Variants in SELP observed in about 807,000 individuals in gnomAD.
SELP encodes selectin P.
A neutral mutation model predicts 104.1 loss-of-function variants in SELP; 92 were observed. That is an observed-to-expected ratio of 0.88 (90% CI 0.75 to 1.05). The LOEUF is 1.05. Among genes scored for constraint, SELP ranks in the 50% least tolerant of loss-of-function variants. The probability of loss-of-function intolerance (pLI) is 0.00; values close to 1 mark genes in which losing one functional copy is unlikely to be tolerated. For missense variants in SELP, 1,022 were observed against 1,017.3 expected (o/e 1.00, Z -0.06); for synonymous variants, 397 against 364.5 (o/e 1.09, Z -1.01).
At chr1:169,590,257 A>T in intron 15 of SELP, 55 bp from the exon 16 acceptor site, 1 of 1,223,690 alleles carries the variant, frequency 8.2e-7, no homozygotes, top group South Asian at 1.2e-5. Context: ...TCTCGACAAC[A>T]CAGTCCAACA....
At chr1:169,621,550 G>A (rs1008351772) in intron 1 of SELP, among the ~76,000 whole-genome samples, 3 of 151,884 alleles carry the variant, frequency 2.0e-5, no homozygotes, top group Non-Finnish European at 4.4e-5. Context: ...GGGACAGTGT[G>A]GGGTCATGTG....
intron 3 of SELP, among the ~76,000 whole-genome samples, chr1:169,615,841 C>G (rs1164460196): frequency 6.6e-6 from 1 of 152,118 alleles, no homozygotes; most frequent in Non-Finnish European, 1.5e-5. Flanking sequence ...GTATTCTGTT[C>G]CATACCTGTA....
chr1:169,595,785 G>C, intron 12 of SELP, 140 bp downstream of exon 12: 1 of 725,246 alleles, frequency 1.4e-6, no homozygotes, highest in Non-Finnish European at 2.4e-6. Flanking sequence ...CTTCTAATGG[G>C]ATTGGTGTGG....
Position 169,593,532 on chromosome 1 carries a change from C to T in SELP, c.2407+73G>A, listed in dbSNP as rs564883993. ...TGAAGTTGTGGTTTTTGCCTCCCCACCCTAAATTACATAAATCAATTTCTT... is the reference window on the plus strand; with the variant it reads ...TGAAGTTGTGGTTTTTGCCTCCCCATCCTAAATTACATAAATCAATTTCTT... On this transcript the variant is annotated intron_variant, in intron 14 of 16. Transcript: ENST00000263686. The T allele has an allele frequency of 1.5e-4, 208 of 1,423,184 alleles. 2 individuals are homozygous for T. The African/African-American group carries it at 2.7e-3, about 19-fold the overall frequency. 88.2% of individuals were successfully genotyped at this position (1,423,184 alleles called of 1,614,324 possible).
At position 169,603,169 on chromosome 1, in the gene SELP, A is replaced by G. The variant is rs763735930; in HGVS notation, c.1562T>C (p.Met521Thr). 2 of 1,614,054 alleles carry G rather than the reference A, an allele frequency of 1.2e-6. No individual in the cohort carries two copies. Among genetic ancestry groups the G allele is most frequent in the South Asian group, 1.1e-5 (1 of 91,066 alleles). The part of the protein sequence containing the change: ...TPLLSPQNGT[M>T]TCVQPLGSSS... ...ACTTCCAAGAGGTTGAACACAGGTC[A>G]TTGTTCCATTCTGAGGGCTTAGCAA... The change falls in exon 10 of 17, where the codon ATG (methionine) becomes ACG (threonine). Residue 521 changes from methionine (M) to threonine (T), a missense_variant. Met to Thr is a moderately conservative substitution (Grantham distance 81). Transcript: ENST00000263686.
chr1:169,605,994 A>G (rs930051675), intron 9 of SELP, among the ~76,000 whole-genome samples: 1 of 152,182 alleles, frequency 6.6e-6, no homozygotes, highest in Non-Finnish European at 1.5e-5. Context: ...AGATGTTGCA[A>G]TACTGACAGA....
Position 169,603,198 on chromosome 1 carries a change from T to C in SELP, c.1533A>G (p.Thr511=), listed in dbSNP as rs1206450067. 6.2e-7 allele frequency: 1 copy of C among 1,612,144 alleles called. No homozygotes were observed. The highest frequency in any genetic ancestry group is 8.5e-7 in the Non-Finnish European group (1 of 1,178,456). The stretch of plus-strand genomic sequence containing the variant: ...TTCCATTCTGAGGGCTTAGCAAAGG[T>C]GTGCAGGGAATGGCTATCATGGGCA... The part of the protein sequence containing the change: ...VPPECQAIPC[T]PLLSPQNGTM... The change falls in exon 10 of 17, where the codon ACA becomes ACG. Residue 511 remains threonine, a synonymous_variant. Coordinates refer to ENST00000263686, the MANE Select transcript of SELP (RefSeq NM_003005.4).
chr1:169,603,246 TC>T, intron 9 of SELP, 35 bp from the exon 10 acceptor site: 1 of 1,581,546 alleles, frequency 6.3e-7, no homozygotes, highest in Non-Finnish European at 8.6e-7. Context: ...AAAGAAGAGA[TC>T]ATTTTATAAT....
At chr1:169,608,749 C>T (rs555324869) in intron 8 of SELP, among the ~76,000 whole-genome samples, 24 of 151,988 alleles carry the variant, frequency 1.6e-4, no homozygotes, top group Non-Finnish European at 2.4e-4. Context: ...CTTAGGAACC[C>T]AGAGGAGTCA....
chr1:169,589,494 T>C (rs1234791218), intron 16 of SELP, 33 bp from the exon 17 acceptor site: 2 of 152,186 alleles, frequency 1.3e-5, no homozygotes, highest in Non-Finnish European at 2.9e-5. Flanking sequence ...AAGTCCAGTG[T>C]AGCAGGAAAC....
At chr1:169,623,679 C>T (rs183698076) in intron 1 of SELP, among the ~76,000 whole-genome samples, 3 of 152,316 alleles carry the variant, frequency 2.0e-5, no homozygotes, top group East Asian at 3.9e-4. Context: ...ATCTGACATA[C>T]TTTTCTGTTT....
At position 169,596,998 on chromosome 1, in the gene SELP, G is replaced by A. The variant is rs1360588287; in HGVS notation, c.1884C>T (p.Thr628=). Residue 628 remains threonine, a synonymous_variant, in exon 11 of 17, where the codon ACC becomes ACT. Coordinates refer to ENST00000263686, the MANE Select transcript of SELP (RefSeq NM_003005.4). ...TSGRWSATPP[T]CKGIASLPTP... is the part of the protein sequence containing the mutation. The stretch of plus-strand genomic sequence containing the variant: ...GCAAGTACATATTATTACCTTTGCA[G>A]GTTGGTGGAGTAGCTGACCATCTTC... The A allele has an allele frequency of 6.2e-7, 1 of 1,611,242 alleles. No homozygotes were observed. The highest frequency in any genetic ancestry group is 1.3e-5 in the African/African-American group (1 of 74,408).
chr1:169,591,489 TA>T (rs35706397), intron 14 of SELP, 33 bp from the exon 15 acceptor site: 13,625 of 1,219,918 alleles, frequency 0.011, 5 homozygotes, highest in South Asian at 0.019. Flanking sequence ...AATGAATGAT[TA>T]AAAAAAAAAA....
Position 169,612,370 on chromosome 1 carries a change from G to T in SELP, c.808C>A (p.Arg270=), listed in dbSNP as rs139249907. The change falls in exon 6 of 17, where the codon CGA becomes AGA. Residue 270 remains arginine (R), a synonymous_variant. Transcript: ENST00000263686. The stretch of plus-strand genomic sequence containing the variant: ...GAATGAAGGCAGGTCATGTTTCCTC[G>T]TTCAGGAATCTTCAGGGGTGGGCAC... ...AQCPPLKIPE[R]GNMTCLHSAK... 1.9e-6 allele frequency: 3 copies of T among 1,614,054 alleles called. No individual in the cohort carries two copies. The highest frequency in any genetic ancestry group is 2.5e-6 in the Non-Finnish European group (3 of 1,179,984).
At chr1:169,596,869 C>T (rs1293475724) in intron 11 of SELP, 122 bp downstream of exon 11, 31 of 848,720 alleles carry the variant, frequency 3.7e-5, no homozygotes, top group Non-Finnish European at 4.9e-5. Context: ...CAGCTGTTTG[C>T]TAAACCCAAA....
chr1:169,623,841 A>G (rs1302606800), intron 1 of SELP, among the ~76,000 whole-genome samples: 2 of 152,018 alleles, frequency 1.3e-5, no homozygotes, highest in African/African-American at 2.4e-5. Flanking sequence ...GGCAGCCACC[A>G]CTCCCCACCA....
intron 1 of SELP, among the ~76,000 whole-genome samples, chr1:169,624,548 G>C (rs572109524): frequency 4.6e-5 from 7 of 152,124 alleles, no homozygotes; most frequent in Non-Finnish European, 1.0e-4. Context: ...TCAGGAGTTC[G>C]AGAACAGCCT....
intron 12 of SELP, among the ~76,000 whole-genome samples, 187 bp from the exon 13 acceptor site, chr1:169,595,064 G>C (rs1661534735): frequency 6.6e-6 from 1 of 152,170 alleles, no homozygotes; most frequent in African/African-American, 2.4e-5. Context: ...TTCTCTCGAA[G>C]GGTGATATCC....
intron 1 of SELP, 137 bp downstream of exon 1, chr1:169,629,935 A>G: frequency 3.5e-6 from 4 of 1,138,964 alleles, no homozygotes; most frequent in Non-Finnish European, 5.3e-6. Context: ...AGTACTCACA[A>G]AATCTAATAG....
Sources: allele counts gnomAD v4.1 joint callset (sites outside exome capture counted in the v4.1 genomes callset), GRCh38; gene constraint gnomAD v4.1.1; transcripts MANE v1.5; gene names NCBI Gene and HGNC (gene_info 2026-07-23, HGNC 2026-07-21).